Variants in DMRT1 observed in about 807,000 individuals in gnomAD.
The protein encoded by DMRT1 is doublesex- and mab-3-related transcription factor 1.
Under a neutral mutation model 32.3 loss-of-function variants are expected in DMRT1, and 7 were observed. The ratio of observed to expected loss-of-function variants is 0.22; its 90% CI spans 0.12 to 0.41. The LOEUF is 0.41. Among genes scored for constraint, DMRT1 ranks in the 10% least tolerant of loss-of-function variants. The pLI, the probability that DMRT1 is intolerant of heterozygous loss-of-function variation, is 1.00. For missense variants in DMRT1, 625 were observed against 500.5 expected (o/e 1.25, Z -2.37); for synonymous variants, 278 against 206.1 (o/e 1.35, Z -2.99).
Position 860,550 on chromosome 9 carries a change from G to C in DMRT1, c.538+13407G>C, listed in dbSNP as rs945967547. On this transcript the variant is annotated intron_variant, in intron 2 of 4. Coordinates refer to ENST00000382276, the MANE Select transcript of DMRT1 (RefSeq NM_021951.3). ...TGAGCCAGATCCTATTCTAGGTGCA[G>C]GATATATAGCAGTGCATATATCTCT... Among the ~76,000 whole-genome samples, 111 of 151,960 alleles carry C rather than the reference G, an allele frequency of 7.3e-4. 2 individuals carry two copies. The highest frequency in any genetic ancestry group is 1.0e-4 in the Non-Finnish European group (7 of 67,998).
At chr9:961,325 T>G (rs1412708240) in intron 4 of DMRT1, among the ~76,000 whole-genome samples, 1 of 152,134 alleles carries the variant, frequency 6.6e-6, no homozygotes, top group Non-Finnish European at 1.5e-5. Flanking sequence ...AATTGTAGAT[T>G]AGGAACAGAT....
At chr9:860,154 G>A (rs988953458) in intron 2 of DMRT1, among the ~76,000 whole-genome samples, 3 of 152,004 alleles carry the variant, frequency 2.0e-5, no homozygotes, top group African/African-American at 7.3e-5. Flanking sequence ...AAAATTAGCC[G>A]GGCGTGGTGG....
At chr9:893,165 C>T (rs541817429) in intron 2 of DMRT1, among the ~76,000 whole-genome samples, 1 of 152,320 alleles carries the variant, frequency 6.6e-6, no homozygotes, top group South Asian at 2.1e-4. Flanking sequence ...GGCACCCGGA[C>T]TGGCTCTTAG....
At chr9:923,707 G>T (rs1818428308) in intron 4 of DMRT1, among the ~76,000 whole-genome samples, 1 of 152,152 alleles carries the variant, frequency 6.6e-6, no homozygotes, top group South Asian at 2.1e-4. Flanking sequence ...TGTTATGTAT[G>T]CATCCTGCCC....
intron 2 of DMRT1, among the ~76,000 whole-genome samples, chr9:880,785 G>A (rs1816705320): frequency 6.6e-6 from 1 of 151,034 alleles, no homozygotes; most frequent in South Asian, 2.1e-4. Flanking sequence ...AGTTTGCCAT[G>A]TGCTAAGGAC....
chr9:924,647 A>G (rs1377759931), intron 4 of DMRT1, among the ~76,000 whole-genome samples: 1 of 152,220 alleles, frequency 6.6e-6, no homozygotes, highest in Admixed American at 6.5e-5. Flanking sequence ...GCTAGACATC[A>G]TGGTCTGCCG....
intron 3 of DMRT1, among the ~76,000 whole-genome samples, chr9:897,215 T>C (rs113365335): frequency 0.042 from 6,396 of 151,676 alleles, 207 homozygotes; most frequent in African/African-American, 0.092. Flanking sequence ...TGGGTTCAAG[T>C]GATTCTCCTG....
intron 2 of DMRT1, among the ~76,000 whole-genome samples, chr9:883,174 T>C (rs1816799495): frequency 6.6e-6 from 1 of 151,826 alleles, no homozygotes; most frequent in Non-Finnish European, 1.5e-5. Context: ...AGCCCGCTCC[T>C]ATCTTTAAAA....
Position 912,341 on chromosome 9 carries a change from A to G in DMRT1, c.823-4422A>G, listed in dbSNP as rs143959076. Among the ~76,000 whole-genome samples the G allele has an allele frequency of 4.2e-3, 647 of 152,348 alleles. 7 individuals carry two copies. The highest frequency in any genetic ancestry group is 6.8e-3 in the Middle Eastern group (2 of 294). ...ACACAGAGCCAAACCATATCAGTTC[A>G]CATTCTAGTAACCTCAAATGGAGTC... is the stretch of plus-strand genomic sequence containing the variant. On this transcript the variant is annotated intron_variant, in intron 3 of 4. Coordinates refer to ENST00000382276, the MANE Select transcript of DMRT1 (RefSeq NM_021951.3).
chr9:892,943 A>T (rs1817209702), intron 2 of DMRT1, among the ~76,000 whole-genome samples: 1 of 150,486 alleles, frequency 6.6e-6, no homozygotes, highest in Non-Finnish European at 1.5e-5. Context: ...CTCATTTTTC[A>T]CCTGTGTCCT....
intron 4 of DMRT1, among the ~76,000 whole-genome samples, chr9:963,347 T>A (rs1312535119): frequency 6.6e-6 from 1 of 152,192 alleles, no homozygotes; most frequent in East Asian, 1.9e-4. Flanking sequence ...AATCCTATGC[T>A]CCACTCTCTC....
chr9:943,089 G>A (rs758995914), intron 4 of DMRT1, among the ~76,000 whole-genome samples: 13 of 152,018 alleles, frequency 8.6e-5, no homozygotes, highest in Admixed American at 2.0e-4. Flanking sequence ...AAGGATTTGC[G>A]TTTTGATAGC....
At chr9:871,868 T>C (rs187200040) in intron 2 of DMRT1, among the ~76,000 whole-genome samples, 11 of 151,376 alleles carry the variant, frequency 7.3e-5, no homozygotes, top group African/African-American at 2.5e-4. Flanking sequence ...CTAAAAAGTA[T>C]TAAGAACCAC....
At chr9:875,662 A>G (rs926047858) in intron 2 of DMRT1, among the ~76,000 whole-genome samples, 4 of 152,192 alleles carry the variant, frequency 2.6e-5, no homozygotes, top group East Asian at 3.9e-4. Context: ...TGGTTGCCAT[A>G]GAGACATTTT....
chr9:941,824 A>G (rs1195390361), intron 4 of DMRT1, among the ~76,000 whole-genome samples: 7 of 152,214 alleles, frequency 4.6e-5, no homozygotes, highest in Non-Finnish European at 8.8e-5. Flanking sequence ...TTTATGTAGT[A>G]AGTCACATTG....
intron 3 of DMRT1, among the ~76,000 whole-genome samples, chr9:901,490 C>G (rs565478651): frequency 6.6e-6 from 1 of 152,054 alleles, no homozygotes; most frequent in South Asian, 2.1e-4. Context: ...CCATGCCTGG[C>G]TAATTTTTGT....
At chr9:912,755 T>C (rs1818033582) in intron 3 of DMRT1, among the ~76,000 whole-genome samples, 1 of 152,144 alleles carries the variant, frequency 6.6e-6, no homozygotes, top group African/African-American at 2.4e-5. Context: ...ATGTTGGTAA[T>C]TGTAGAGCAC....
intron 3 of DMRT1, among the ~76,000 whole-genome samples, chr9:906,194 A>G (rs1817771624): frequency 6.6e-6 from 1 of 152,274 alleles, no homozygotes; most frequent in South Asian, 2.1e-4. Context: ...GCCACCCACA[A>G]GTTGAGTGTG....
At chr9:874,738 C>A (rs576172821) in intron 2 of DMRT1, among the ~76,000 whole-genome samples, 2 of 151,720 alleles carry the variant, frequency 1.3e-5, no homozygotes, top group African/African-American at 4.8e-5. Flanking sequence ...GGCCTTCCTT[C>A]CTCTCTTCTT....
Sources: allele counts gnomAD v4.1 joint callset (sites outside exome capture counted in the v4.1 genomes callset), GRCh38; gene constraint gnomAD v4.1.1; transcripts MANE v1.5; gene names NCBI Gene and HGNC (gene_info 2026-07-23, HGNC 2026-07-21).